The following DOCK4 variants were observed in gnomAD, a reference collection of about 807,000 sequenced individuals.
The protein encoded by DOCK4 is dedicator of cytokinesis 4.
Under a neutral mutation model 268.1 loss-of-function variants are expected in DOCK4, and 97 were observed. The observed-to-expected ratio is 0.36, with a 90% confidence interval of 0.31 to 0.43. DOCK4 has a LOEUF of 0.43. DOCK4 is among the 20% of genes least tolerant of loss of function. The pLI is 1.00. For missense variants in DOCK4, 2,145 were observed against 2,455.7 expected (o/e 0.87, Z 2.67); for synonymous variants, 954 against 887.2 (o/e 1.08, Z -1.34).
intron 52 of DOCK4, among the ~76,000 whole-genome samples, chr7:111,728,940 A>G (rs983068442): frequency 6.6e-6 from 1 of 152,188 alleles, no homozygotes; most frequent in Admixed American, 6.5e-5. Context: ...ATTTGGACAC[A>G]CAGGGAGACG....
At chr7:111,836,756 C>T (rs1014111895) in intron 25 of DOCK4, among the ~76,000 whole-genome samples, 5 of 151,856 alleles carry the variant, frequency 3.3e-5, no homozygotes, top group African/African-American at 1.2e-4. Context: ...TTGAATGGGT[C>T]GAGTGGCAGA....
At chr7:111,784,406 T>A (rs1234692653) in intron 32 of DOCK4, 4 of 621,052 alleles carry the variant, frequency 6.4e-6, no homozygotes, top group Non-Finnish European at 9.0e-6. Context: ...TGCATCTTCA[T>A]CCAAGCAATT....
At chr7:111,833,293 G>A (rs1802983532) in intron 26 of DOCK4, among the ~76,000 whole-genome samples, 1 of 152,132 alleles carries the variant, frequency 6.6e-6, no homozygotes, top group South Asian at 2.1e-4. Context: ...TGTAATCTGA[G>A]TACTTTAGGA....
rs371425786 is a variant in DOCK4 at position 111,919,631 on chromosome 7, A to G, written c.1067-3727T>C. 4.5e-3 allele frequency among the ~76,000 whole-genome samples: 678 copies of G among 152,246 alleles called. 5 individuals carry two copies. Among genetic ancestry groups the G allele is most frequent in the African/African-American group, 0.016 (654 of 41,546 alleles). On this transcript the variant is annotated intron_variant, in intron 12 of 52. Coordinates refer to ENST00000428084, the MANE Select transcript of DOCK4 (RefSeq NM_001363540.2). Reference sequence around the variant, plus strand: ...GTGATGATAATGGGGGTTGAGGGGGAGGGCAGTTACTGCCATTTGGAGGTT... The same window carrying G: ...GTGATGATAATGGGGGTTGAGGGGGGGGGCAGTTACTGCCATTTGGAGGTT...
intron 1 of DOCK4, among the ~76,000 whole-genome samples, chr7:112,160,642 T>C (rs958275049): frequency 3.9e-5 from 6 of 152,192 alleles, no homozygotes; most frequent in African/African-American, 1.4e-4. Flanking sequence ...GTTATCTCCT[T>C]AAGCAGGCAC....
intron 1 of DOCK4, among the ~76,000 whole-genome samples, chr7:112,095,786 T>TACA (rs1810071457): frequency 7.9e-6 from 1 of 126,408 alleles, no homozygotes; most frequent in East Asian, 2.4e-4. Flanking sequence ...AATAAATGGG[T>TACA]ATAATGTCTT....
intron 1 of DOCK4, among the ~76,000 whole-genome samples, chr7:112,203,677 T>G (rs897245538): frequency 3.3e-5 from 5 of 152,142 alleles, no homozygotes; most frequent in Admixed American, 6.5e-5. Context: ...ATCTTTTCTT[T>G]AACATCTGTA....
intron 16 of DOCK4, among the ~76,000 whole-genome samples, chr7:111,889,897 A>G (rs1586278672): frequency 6.6e-6 from 1 of 152,336 alleles, no homozygotes; most frequent in East Asian, 1.9e-4. Flanking sequence ...TTCTCTACTA[A>G]GCAAAACTCT....
chr7:111,876,078 T>C (rs370632907), intron 17 of DOCK4, among the ~76,000 whole-genome samples: 7 of 152,316 alleles, frequency 4.6e-5, no homozygotes, highest in African/African-American at 1.7e-4. Flanking sequence ...AAAAAAATAC[T>C]TGAGGTTTGG....
intron 12 of DOCK4, among the ~76,000 whole-genome samples, chr7:111,923,246 G>A (rs1793310174): frequency 6.6e-6 from 1 of 152,166 alleles, no homozygotes; most frequent in Admixed American, 6.5e-5. Context: ...TTTTATGTAA[G>A]GGACTTCAGC....
chr7:111,782,638 G>A (rs751415198), intron 35 of DOCK4, among the ~76,000 whole-genome samples: 1 of 152,142 alleles, frequency 6.6e-6, no homozygotes, highest in Non-Finnish European at 1.5e-5. Context: ...TATTAGGGCT[G>A]TGGGGAATGC....
At chr7:111,977,023 A>G in intron 8 of DOCK4, 109 bp downstream of exon 8, 1 of 1,294,892 alleles carries the variant, frequency 7.7e-7, no homozygotes, top group East Asian at 2.6e-5. Flanking sequence ...AGAAAATTGA[A>G]GCTGACGGAG....
intron 1 of DOCK4, among the ~76,000 whole-genome samples, chr7:112,083,876 T>G (rs1808815177): frequency 6.6e-6 from 1 of 152,202 alleles, no homozygotes; most frequent in African/African-American, 2.4e-5. Flanking sequence ...CCTCATGGAA[T>G]AAGTATACTT....
At chr7:112,196,410 C>T (rs893829236) in intron 1 of DOCK4, among the ~76,000 whole-genome samples, 4 of 152,138 alleles carry the variant, frequency 2.6e-5, no homozygotes, top group Non-Finnish European at 4.4e-5. Flanking sequence ...AAAGCAACTA[C>T]AAAATCACTG....
intron 27 of DOCK4, among the ~76,000 whole-genome samples, chr7:111,821,982 T>C (rs1461277588): frequency 3.3e-5 from 5 of 152,210 alleles, no homozygotes; most frequent in Admixed American, 1.3e-4. Context: ...TTTCTATCTA[T>C]TAATTTGGAA....
At chr7:112,191,923 A>T (rs1247746792) in intron 1 of DOCK4, among the ~76,000 whole-genome samples, 1 of 149,012 alleles carries the variant, frequency 6.7e-6, no homozygotes, top group Non-Finnish European at 1.5e-5. Context: ...TAAATTATAT[A>T]CTATATAACA....
chr7:111,870,307 TTTTTCTTTTTC>T (rs1251577532), intron 20 of DOCK4, among the ~76,000 whole-genome samples: 1 of 151,496 alleles, frequency 6.6e-6, no homozygotes, highest in East Asian at 1.9e-4. Flanking sequence ...TGGTTTCTCT[TTTTTCTTTTTC>T]TTTTCTTTTT....
At chr7:111,986,670 A>C (rs1027207389) in intron 6 of DOCK4, among the ~76,000 whole-genome samples, 1 of 152,210 alleles carries the variant, frequency 6.6e-6, no homozygotes, top group African/African-American at 2.4e-5. Flanking sequence ...TAGTATTAGC[A>C]GAAAAGTCAA....
At chr7:111,947,046 C>A (rs77562765) in intron 8 of DOCK4, among the ~76,000 whole-genome samples, 11,878 of 152,226 alleles carry the variant, frequency 0.078, 645 homozygotes, top group East Asian at 0.33. Context: ...AGTTGGCTGT[C>A]TCAGGCAATG....
Sources: allele counts gnomAD v4.1 joint callset (sites outside exome capture counted in the v4.1 genomes callset), GRCh38; gene constraint gnomAD v4.1.1; transcripts MANE v1.5; gene names NCBI Gene and HGNC (gene_info 2026-07-23, HGNC 2026-07-21).